The following RAD51B variants were observed in gnomAD, a reference collection of about 807,000 sequenced individuals.
The protein encoded by RAD51B is RAD51 paralog B, also known as DNA repair protein RAD51 homolog 2.
In RAD51B, 38 loss-of-function variants were observed where a neutral mutation model predicts 42.2. The observed-to-expected ratio is 0.90, with a 90% CI of 0.70 to 1.18. RAD51B has a LOEUF of 1.18. Among genes scored for constraint, RAD51B ranks in the 50% most tolerant of loss-of-function variants. The probability of loss-of-function intolerance (pLI) is 0.00; values close to 1 mark genes in which losing one functional copy is unlikely to be tolerated. For missense variants in RAD51B, 373 were observed against 400.7 expected (o/e 0.93, Z 0.59); for synonymous variants, 154 against 145.2 (o/e 1.06, Z -0.43).
At chr14:68,646,511 G>A (rs551993961) in intron 10 of RAD51B, among the ~76,000 whole-genome samples, 12 of 152,178 alleles carry the variant, frequency 7.9e-5, no homozygotes, top group African/African-American at 2.9e-4. Flanking sequence ...ATTTCTCCCA[G>A]CTTATTGTCT....
intron 10 of RAD51B, among the ~76,000 whole-genome samples, chr14:68,620,709 CAAGTGAATCTA>C (rs1226460710): frequency 6.6e-6 from 1 of 152,232 alleles, no homozygotes; most frequent in Non-Finnish European, 1.5e-5. Context: ...TTCCTATTCT[CAAGTGAATCTA>C]AAGTTTATTT....
At chr14:67,962,719 C>G (rs993108061) in intron 7 of RAD51B, among the ~76,000 whole-genome samples, 1 of 151,996 alleles carries the variant, frequency 6.6e-6, no homozygotes, top group Non-Finnish European at 1.5e-5. Context: ...TTTAGCCAAC[C>G]AAGAGAGGAA....
downstream of RAD51B, among the ~76,000 whole-genome samples, chr14:68,599,926 G>A (rs1010254236): frequency 1.3e-5 from 2 of 152,196 alleles, no homozygotes; most frequent in Non-Finnish European, 2.9e-5. Flanking sequence ...CCTGCAGAGT[G>A]GTTGGGCCTT....
At chr14:68,469,218 C>A in intron 10 of RAD51B, 1 of 375,312 alleles carries the variant, frequency 2.7e-6, no homozygotes, top group Non-Finnish European at 5.8e-6. Flanking sequence ...ATATTTTTCC[C>A]AGGTTTATGA....
chr14:68,473,143 C>T (rs2086167534), intron 10 of RAD51B, among the ~76,000 whole-genome samples: 4 of 152,218 alleles, frequency 2.6e-5, no homozygotes, highest in African/African-American at 9.7e-5. Flanking sequence ...AGAAGATTCT[C>T]AATTTATTTC....
At chr14:68,292,128 T>C in intron 8 of RAD51B, 148 bp downstream of exon 8, 1 of 670,758 alleles carries the variant, frequency 1.5e-6, no homozygotes, top group Non-Finnish European at 2.6e-6. Flanking sequence ...TTTGGCCACC[T>C]TTCCTGGCAT....
intron 7 of RAD51B, among the ~76,000 whole-genome samples, chr14:68,108,693 G>C (rs1001917955): frequency 6.6e-6 from 1 of 151,842 alleles, no homozygotes; most frequent in Non-Finnish European, 1.5e-5. Context: ...TTAGATATTG[G>C]TGATGGTTAT....
At chr14:68,122,991 A>G (rs1435166849) in intron 7 of RAD51B, among the ~76,000 whole-genome samples, 3 of 152,136 alleles carry the variant, frequency 2.0e-5, no homozygotes, top group Non-Finnish European at 4.4e-5. Flanking sequence ...AGACACACAC[A>G]CACAAATGCA....
intron 11 of RAD51B, chr14:68,682,928 T>G (rs1893465853): frequency 4.4e-6 from 4 of 916,770 alleles, no homozygotes; most frequent in African/African-American, 2.3e-5. Context: ...TTTTTTTTTT[T>G]TTGTATAGGG....
intron 5 of RAD51B, 102 bp downstream of exon 5, chr14:67,865,241 CTTTTT>C: frequency 3.4e-6 from 3 of 879,902 alleles, no homozygotes; most frequent in Non-Finnish European, 4.5e-6. Context: ...TCCCCCTTGC[CTTTTT>C]TTTTTTTTTG....
At chr14:68,353,839 T>G (rs151111509) in intron 8 of RAD51B, among the ~76,000 whole-genome samples, 30 of 152,274 alleles carry the variant, frequency 2.0e-4, no homozygotes, top group South Asian at 4.1e-4. Flanking sequence ...CCCTCCACAC[T>G]CCACATAACT....
At chr14:68,612,710 A>G (rs553145559), downstream of RAD51B, among the ~76,000 whole-genome samples, 39 of 152,324 alleles carry the variant, frequency 2.6e-4, no homozygotes, top group South Asian at 7.9e-3. Context: ...ATGGCTGGAC[A>G]TCAGTGAGAA....
chr14:68,094,573 A>G (rs573667733), intron 7 of RAD51B, among the ~76,000 whole-genome samples: 13 of 152,346 alleles, frequency 8.5e-5, no homozygotes, highest in African/African-American at 3.1e-4. Flanking sequence ...ATGCCAGACA[A>G]TTAAGTTTTT....
intron 7 of RAD51B, among the ~76,000 whole-genome samples, chr14:68,237,084 A>G (rs768692725): frequency 6.6e-5 from 10 of 152,218 alleles, no homozygotes; most frequent in Non-Finnish European, 1.3e-4. Context: ...ATCTGTCTCA[A>G]AAATCTCTGT....
At chr14:68,046,379 A>G (rs1195565323) in intron 7 of RAD51B, among the ~76,000 whole-genome samples, 1 of 152,188 alleles carries the variant, frequency 6.6e-6, no homozygotes, top group Non-Finnish European at 1.5e-5. Context: ...GGTCTCCGGA[A>G]GTTCTGGGAT....
At chr14:68,253,306 C>G (rs967469958) in intron 7 of RAD51B, among the ~76,000 whole-genome samples, 21 of 151,704 alleles carry the variant, frequency 1.4e-4, no homozygotes, top group African/African-American at 4.8e-4. Flanking sequence ...TAACATTATA[C>G]TTAAGATATT....
intron 7 of RAD51B, among the ~76,000 whole-genome samples, chr14:68,118,960 C>CT (rs1275719428): frequency 1.2e-3 from 176 of 145,152 alleles, no homozygotes; most frequent in Middle Eastern, 3.6e-3. Flanking sequence ...CAAACAAGTT[C>CT]TTTTTTTTTT....
At chr14:68,319,573 C>G (rs1160742254) in intron 8 of RAD51B, among the ~76,000 whole-genome samples, 2 of 152,140 alleles carry the variant, frequency 1.3e-5, no homozygotes, top group African/African-American at 4.8e-5. Context: ...TTCTTGTAGC[C>G]AGCTCTGGAG....
intron 4 of RAD51B, among the ~76,000 whole-genome samples, chr14:67,853,014 G>C (rs1021291499): frequency 1.3e-5 from 2 of 152,162 alleles, no homozygotes; most frequent in African/African-American, 4.8e-5. Context: ...TTCTCTGGCT[G>C]TTAAAAAGGG....
Sources: gnomAD v4.1 joint callset for allele counts (sites outside exome capture counted in the v4.1 genomes callset) on GRCh38, gnomAD v4.1.1 for gene constraint, MANE v1.5 for transcripts, NCBI Gene and HGNC (gene_info 2026-07-23, HGNC 2026-07-21) for gene names.